The following ADGRL4 variants were observed in gnomAD, a reference collection of about 807,000 sequenced individuals.
The protein encoded by ADGRL4 is EGF, latrophilin and seven transmembrane domain containing 1.
In ADGRL4, 90 loss-of-function variants were observed where a neutral mutation model predicts 74.8. The observed-to-expected ratio is 1.20, with a 90% CI of 1.02 to 1.43. The LOEUF is 1.43. ADGRL4 is among the 40% of genes most tolerant of loss of function. The pLI is 0.00. For synonymous variants in ADGRL4, 311 were observed against 279.2 expected (o/e 1.11, Z -1.14); for missense variants, 881 against 814.3 (o/e 1.08, Z -1.00).
chr1:78,936,456 CA>C (rs1200749709), intron 6 of ADGRL4, 45 bp from the exon 7 acceptor site: 1 of 1,435,500 alleles, frequency 7.0e-7, no homozygotes, highest in African/African-American at 1.5e-5. Context: ...TTACTTTAAT[CA>C]ATATACATCA....
chr1:78,935,248 T>C (rs1195678245), intron 7 of ADGRL4, among the ~76,000 whole-genome samples: 1 of 152,178 alleles, frequency 6.6e-6, no homozygotes, highest in Non-Finnish European at 1.5e-5. Flanking sequence ...GATCATGTCT[T>C]TGCAGGGACT....
chr1:78,900,560 G>T (rs1461376399), intron 12 of ADGRL4, among the ~76,000 whole-genome samples: 3 of 152,130 alleles, frequency 2.0e-5, no homozygotes, highest in Admixed American at 6.6e-5. Context: ...TTGGAGGAGG[G>T]GCCTGGTGCA....
intron 7 of ADGRL4, 118 bp from the exon 8 acceptor site, chr1:78,927,209 C>T (rs571169380): frequency 1.5e-6 from 1 of 674,302 alleles, no homozygotes; most frequent in Admixed American, 2.9e-5. Flanking sequence ...TTATACAAAT[C>T]CCCAGATACT....
intron 2 of ADGRL4, among the ~76,000 whole-genome samples, chr1:78,950,606 C>G (rs915089208): frequency 6.6e-6 from 1 of 151,980 alleles, no homozygotes; most frequent in African/African-American, 2.4e-5. Context: ...TTAGGTGTTA[C>G]GAGTCAGTGA....
At position 78,891,532 on chromosome 1, in the gene ADGRL4, A is replaced by G. The variant is rs750017791; in HGVS notation, c.2002T>C (p.Ser668Pro). ...AATAAGAAATTGTTTACCTTTCTAG[A>G]TAAAACACACAGGAATAAAAAAATG... is the stretch of plus-strand genomic sequence containing the variant. ...MFIFLFLCVL[S>P]RKIQEEYYRL... Residue 668 changes from serine (S) to proline (P), a missense_variant, in exon 14 of 15, where the codon TCT (serine) becomes CCT (proline). By Grantham distance (74) the Ser-to-Pro change is moderately conservative. Transcript: ENST00000370742. The G allele has an allele frequency of 6.2e-7, 1 of 1,612,794 alleles. No individual in the cohort carries two copies. The highest frequency in any genetic ancestry group is 8.5e-7 in the Non-Finnish European group (1 of 1,179,526).
chr1:78,964,335 T>A (rs921868463), intron 2 of ADGRL4, among the ~76,000 whole-genome samples: 1 of 152,176 alleles, frequency 6.6e-6, no homozygotes, highest in African/African-American at 2.4e-5. Flanking sequence ...CAGCCTTTTA[T>A]GACAAGCACT....
chr1:78,956,862 T>G (rs1649844898), intron 2 of ADGRL4, among the ~76,000 whole-genome samples: 1 of 152,130 alleles, frequency 6.6e-6, no homozygotes, highest in African/African-American at 2.4e-5. Flanking sequence ...AAGCCTCACT[T>G]TATTGTACTT....
chr1:78,999,703 A>G (rs10782673), intron 2 of ADGRL4, among the ~76,000 whole-genome samples: 42,041 of 152,096 alleles, frequency 0.28, 5,855 homozygotes, highest in Non-Finnish European at 0.29. Flanking sequence ...CAAAATGAAC[A>G]CAAGCTCTAG....
intron 12 of ADGRL4, among the ~76,000 whole-genome samples, chr1:78,907,540 G>A (rs1648669224): frequency 6.6e-6 from 1 of 151,970 alleles, no homozygotes; most frequent in Non-Finnish European, 1.5e-5. Context: ...TGTAATTGTA[G>A]AATGATAAAA....
intron 2 of ADGRL4, among the ~76,000 whole-genome samples, chr1:78,975,001 A>G (rs1650248254): frequency 6.6e-6 from 1 of 152,200 alleles, no homozygotes; most frequent in Non-Finnish European, 1.5e-5. Context: ...TGCCTATCAT[A>G]GTTACCTGTT....
chr1:78,895,065 G>A (rs1648365504), intron 12 of ADGRL4, among the ~76,000 whole-genome samples: 1 of 151,904 alleles, frequency 6.6e-6, no homozygotes, highest in African/African-American at 2.4e-5. Context: ...TGTAAAAATG[G>A]AAAATGTTTA....
intron 2 of ADGRL4, among the ~76,000 whole-genome samples, chr1:78,977,333 G>A (rs745921846): frequency 1.3e-5 from 2 of 151,786 alleles, no homozygotes; most frequent in South Asian, 4.2e-4. Flanking sequence ...AATTGAATCT[G>A]GTGAATTGTA....
At chr1:78,941,462 GA>G (rs891166793) in intron 3 of ADGRL4, among the ~76,000 whole-genome samples, 35 of 152,120 alleles carry the variant, frequency 2.3e-4, no homozygotes, top group African/African-American at 8.2e-4. Flanking sequence ...TCATGAGCAA[GA>G]AAACTACTAT....
At chr1:78,999,665 G>A (rs1384707504) in intron 2 of ADGRL4, among the ~76,000 whole-genome samples, 1 of 152,110 alleles carries the variant, frequency 6.6e-6, no homozygotes, top group Admixed American at 6.5e-5. Flanking sequence ...AATGTATGAT[G>A]GTACAGTCAC....
chr1:78,990,109 C>T (rs1200736073), intron 2 of ADGRL4, among the ~76,000 whole-genome samples: 1 of 151,956 alleles, frequency 6.6e-6, no homozygotes, highest in Non-Finnish European at 1.5e-5. Context: ...CTTTTTACCT[C>T]AGTGGATCTC....
intron 2 of ADGRL4, among the ~76,000 whole-genome samples, chr1:78,963,494 A>T (rs1047446318): frequency 6.6e-6 from 1 of 152,198 alleles, no homozygotes; most frequent in Non-Finnish European, 1.5e-5. Flanking sequence ...CCTTAGGAAG[A>T]TGGAAACATC....
intron 12 of ADGRL4, among the ~76,000 whole-genome samples, chr1:78,894,121 G>A (rs1441458472): frequency 6.6e-6 from 1 of 151,850 alleles, no homozygotes; most frequent in Non-Finnish European, 1.5e-5. Flanking sequence ...ACAACAAAGT[G>A]CAACATTATA....
At chr1:79,000,073 G>A (rs570552479) in intron 2 of ADGRL4, among the ~76,000 whole-genome samples, 13 of 152,110 alleles carry the variant, frequency 8.5e-5, no homozygotes, top group Admixed American at 7.9e-4. Flanking sequence ...GAAGCTGTGT[G>A]TTCATTTTTA....
rs529278071 is a variant in ADGRL4, at chr1:78,977,410, T to G, written c.172+27660A>C. ...GTGTTGGTTAAATGGCTTTAGAAATTTATGAAACTCAGAGTGTGCATCTAA... is the reference window on the plus strand; with the variant it reads ...GTGTTGGTTAAATGGCTTTAGAAATGTATGAAACTCAGAGTGTGCATCTAA... On this transcript the variant is annotated intron_variant, in intron 2 of 14. Coordinates refer to ENST00000370742, the MANE Select transcript of ADGRL4 (RefSeq NM_022159.4). 1.4e-3 allele frequency among the ~76,000 whole-genome samples: 214 copies of G among 151,936 alleles called. 1 individual carries two copies. The highest frequency in any genetic ancestry group is 1.9e-4 in the East Asian group (1 of 5,158).
Sources: allele counts gnomAD v4.1 joint callset (sites outside exome capture counted in the v4.1 genomes callset), GRCh38; gene constraint gnomAD v4.1.1; transcripts MANE v1.5; gene names NCBI Gene and HGNC (gene_info 2026-07-23, HGNC 2026-07-21).